The following SCYL3 variants were observed in gnomAD, a reference collection of about 807,000 sequenced individuals.
The protein encoded by SCYL3 is protein-associating with the carboxyl-terminal domain of ezrin.
Under a neutral mutation model 73.8 loss-of-function variants are expected in SCYL3, and 35 were observed. That is an observed-to-expected ratio of 0.47 (90% CI 0.36 to 0.63). The LOEUF is 0.63. SCYL3 is among the 20% of genes least tolerant of loss of function. The pLI, the probability that SCYL3 is intolerant of heterozygous loss-of-function variation, is 0.00. For synonymous variants in SCYL3, 277 were observed against 295.2 expected (o/e 0.94, Z 0.63); for missense variants, 712 against 798.9 (o/e 0.89, Z 1.31).
In SCYL3 at chr1:169,854,701, T is replaced by C. The variant is rs761949057; in HGVS notation, c.1576A>G (p.Thr526Ala). 17 of 1,613,954 alleles carry C rather than the reference T, an allele frequency of 1.1e-5. No homozygotes were observed. Among genetic ancestry groups the C allele is most frequent in the Non-Finnish European group, 1.3e-5 (15 of 1,179,956 alleles). Residue 526 changes from threonine (T) to alanine (A), a missense_variant, in exon 12 of 13, where the codon ACT becomes GCT. Physicochemically the swap from Thr to Ala is moderately conservative, Grantham distance 58. Transcript: ENST00000367771. ...WDDCEPSSLD[T>A]KVNPGGGITA... ...ATTCCACCTCCTGGGTTTACTTTAG[T>C]ATCTAAGCTGCTGGGCTCGCAGTCA...
intron 6 of SCYL3, 42 bp from the exon 7 acceptor site, chr1:169,869,081 T>G (rs759175314): frequency 6.7e-7 from 1 of 1,503,406 alleles, no homozygotes; most frequent in Non-Finnish European, 9.2e-7. Context: ...GCCTTCTCCC[T>G]CTTTTCAGGA....
chr1:169,870,684 T>C (rs12138675), intron 5 of SCYL3, among the ~76,000 whole-genome samples: 23,324 of 152,108 alleles, frequency 0.15, 1,853 homozygotes, highest in Middle Eastern at 0.22. Flanking sequence ...ACACACATAA[T>C]GGAAACAAAA....
chr1:169,878,636 T>C lies in SCYL3; in HGVS notation c.349A>G (p.Arg117Gly), dbSNP rs1661023351. 5 of 1,610,314 alleles carry C rather than the reference T, an allele frequency of 3.1e-6. No homozygotes were observed. Among genetic ancestry groups the C allele is most frequent in the African/African-American group, 1.3e-5 (1 of 74,692 alleles). The change falls in exon 3 of 13, where the codon AGA becomes GGA. Residue 117 changes from arginine (R) to glycine (G), a missense_variant and splice_region_variant. This residue lies in a region of SCYL3 where 342 missense variants were observed against 448.1 expected (regional missense o/e 0.76). Coordinates refer to ENST00000367771, the MANE Select transcript of SCYL3 (RefSeq NM_020423.7). ...TGCAGACTATACAGGTTACTTACTC[T>C]GTCATGAAGGAAGATAAGAGCCAGC... ...ILLALIFLHD[R>G]GHLTHNNVCL... is the part of the protein sequence containing the mutation.
At chr1:169,858,924 T>G (rs1424244970) in intron 11 of SCYL3, 117 bp downstream of exon 11, 5 of 903,200 alleles carry the variant, frequency 5.5e-6, no homozygotes, top group Non-Finnish European at 8.2e-6. Context: ...GAAATTAACT[T>G]TTTATTTATA....
Position 169,853,447 on chromosome 1 carries a change from C to CTTGCTCTTCATA in SCYL3, c.*254_*265dup, listed in dbSNP as rs1658691645. 1 of 448,096 alleles carries CTTGCTCTTCATA rather than the reference C, an allele frequency of 2.2e-6. No homozygotes were observed. Among genetic ancestry groups the CTTGCTCTTCATA allele is most frequent in the African/African-American group, 2.0e-5 (1 of 49,410 alleles). The allele number at this position is 448,096 out of a possible 1,614,324, so 27.8% of individuals were successfully genotyped here. On this transcript the variant is annotated 3_prime_UTR_variant, in exon 13 of 13. Transcript: ENST00000367771. Reference sequence around the variant, plus strand: ...AGTAAATTCGACCTCTCCTCAGCTACTTGCTCTTCATAGAAACTGGCCTCA... The same window carrying CTTGCTCTTCATA: ...AGTAAATTCGACCTCTCCTCAGCTACTTGCTCTTCATATTGCTCTTCATAGAAACTGGCCTCA...
intron 10 of SCYL3, among the ~76,000 whole-genome samples, chr1:169,861,129 G>A (rs1052863688): frequency 6.6e-6 from 1 of 152,094 alleles, no homozygotes; most frequent in East Asian, 1.9e-4. Context: ...TAAATACAAA[G>A]TGCTATGTTG....
At chr1:169,888,478 G>C (rs562358552) in intron 2 of SCYL3, among the ~76,000 whole-genome samples, 198 bp downstream of exon 2, 32 of 152,214 alleles carry the variant, frequency 2.1e-4, no homozygotes, top group African/African-American at 7.5e-4. Flanking sequence ...ATGTTTTTTG[G>C]CTACAGGTAT....
At chr1:169,867,082 C>T in intron 7 of SCYL3, 109 bp from the exon 8 acceptor site, 1 of 633,364 alleles carries the variant, frequency 1.6e-6, no homozygotes, top group Non-Finnish European at 2.8e-6. Flanking sequence ...GAAACATTCT[C>T]CTTTGCCATT....
Position 169,859,149 on chromosome 1 carries a change from C to G in SCYL3, c.1204G>C (p.Val402Leu). 6.2e-7 allele frequency: 1 copy of G among 1,614,062 alleles called. No individual in the cohort carries two copies. The highest frequency in any genetic ancestry group is 8.5e-7 in the Non-Finnish European group (1 of 1,179,990). Residue 402 changes from valine (V) to leucine (L), a missense_variant, in exon 11 of 13, where the codon GTG (valine) becomes CTG (leucine). Coordinates refer to ENST00000367771, the MANE Select transcript of SCYL3 (RefSeq NM_020423.7). The stretch of plus-strand genomic sequence containing the variant: ...TCTGGTCCAAGCAGAGAGACCAGCA[C>G]TGCTAGGCTATGCAGAGTAATTGCC... ...IVAITLHSLA[V>L]LVSLLGPEVV...
chr1:169,865,692 C>A (rs1250001191), intron 8 of SCYL3, among the ~76,000 whole-genome samples: 1 of 152,226 alleles, frequency 6.6e-6, no homozygotes, highest in African/African-American at 2.4e-5. Context: ...CTGTTCACTT[C>A]TCAGCCCAAT....
In SCYL3 at chr1:169,862,615, G is replaced by A; in HGVS notation, c.1138C>T (p.Gln380Ter). The A allele has an allele frequency of 6.2e-7, 1 of 1,614,158 alleles. No individual in the cohort carries two copies. Among genetic ancestry groups the A allele is most frequent in the Non-Finnish European group, 8.5e-7 (1 of 1,180,014 alleles). ...CCACTGCAAACTTGGCCTCTGACCTGTGGCAAGATGACTTTCTTCAGCTGC... is the reference window on the plus strand; with the variant it reads ...CCACTGCAAACTTGGCCTCTGACCTATGGCAAGATGACTTTCTTCAGCTGC... ...QEQLKKVILP[Q>*]VLLGLRDTSD... The change falls in exon 10 of 13, where the codon CAG becomes TAG. Residue 380 changes from glutamine to a stop codon, truncating the protein, a stop_gained and splice_region_variant. Coordinates refer to ENST00000367771, the MANE Select transcript of SCYL3 (RefSeq NM_020423.7). LOFTEE classifies it high-confidence loss of function.
chr1:169,854,963 G>A lies in SCYL3; in HGVS notation c.1314C>T (p.Gly438=), dbSNP rs12135726. ...FTKNTDLSLE[G]DPFSQPIKFP... is the part of the protein sequence containing the mutation. ...ATTTAATAGGCTGAGAAAATGGATCGCCTGTAGGGAAAATAATTATTCTCA... is the reference window on the plus strand; with the variant it reads ...ATTTAATAGGCTGAGAAAATGGATCACCTGTAGGGAAAATAATTATTCTCA... The change falls in exon 12 of 13, where the codon GGC becomes GGT. Residue 438 remains glycine (G), a splice_region_variant and synonymous_variant. Coordinates refer to ENST00000367771, the MANE Select transcript of SCYL3 (RefSeq NM_020423.7). 0.083 allele frequency: 130,104 copies of A among 1,576,848 alleles called. 5,886 individuals are homozygous for A. The highest frequency in any genetic ancestry group is 0.098 in the Middle Eastern group (579 of 5,906).
Position 169,852,163 on chromosome 1 carries a change from C to A in SCYL3, c.*1550G>T. On this transcript the variant is annotated 3_prime_UTR_variant, in exon 13 of 13. Coordinates refer to ENST00000367771, the MANE Select transcript of SCYL3 (RefSeq NM_020423.7). ...GTATGTTTGAATTATTGGTAGTAAC[C>A]TTTAAGGGAAGTTACATATTGTACC... The A allele has an allele frequency of 1.7e-6, 1 of 586,642 alleles. No homozygotes were observed. 36.3% of individuals were successfully genotyped at this position (586,642 alleles called of 1,614,324 possible). A position where few individuals can be genotyped will look rare whatever the true frequency, so the allele number is the denominator to read the frequency against.
chr1:169,864,527 A>AGCCCAGGAAAC lies in SCYL3; in HGVS notation c.816-30_816-20dup. ...CAGAAATCTGAGGACAAAAAGGGAA[A>AGCCCAGGAAAC]GCCCAGGAAACTGGTCATGACACTG... On this transcript the variant is annotated intron_variant, in intron 8 of 12. Transcript: ENST00000367771. 6.4e-7 allele frequency: 1 copy of AGCCCAGGAAAC among 1,572,044 alleles called. No individual in the cohort carries two copies. The highest frequency in any genetic ancestry group is 8.6e-7 in the Non-Finnish European group (1 of 1,164,368).
chr1:169,892,961 G>C (rs1316280366), intron 1 of SCYL3, among the ~76,000 whole-genome samples: 1 of 152,106 alleles, frequency 6.6e-6, no homozygotes, highest in Non-Finnish European at 1.5e-5. Flanking sequence ...TGATATTCTG[G>C]TATCCAGCGG....
Position 169,852,695 on chromosome 1 carries a change from G to A in SCYL3, c.*1018C>T. The A allele has an allele frequency of 7.0e-6, 9 of 1,282,518 alleles. No homozygotes were observed. Among genetic ancestry groups the A allele is most frequent in the Non-Finnish European group, 8.8e-6 (8 of 905,878 alleles). The allele number at this position is 1,282,518 out of a possible 1,614,324, so 79.4% of individuals were successfully genotyped here. ...TCCTACCCTTGTGATCCAATGACTA[G>A]AATAAAATTTGCATGTAAGCTTTAC... is the stretch of plus-strand genomic sequence containing the variant. On this transcript the variant is annotated 3_prime_UTR_variant, in exon 13 of 13. Coordinates refer to ENST00000367771, the MANE Select transcript of SCYL3 (RefSeq NM_020423.7).
chr1:169,852,865 G>A lies in SCYL3; in HGVS notation c.*848C>T. On this transcript the variant is annotated 3_prime_UTR_variant, in exon 13 of 13. Coordinates refer to ENST00000367771, the MANE Select transcript of SCYL3 (RefSeq NM_020423.7). ...GTCAGCGCTGCATACAATAGCAGGG[G>A]CTTTGGAAGCAACTGAGTCACTACT... is the stretch of plus-strand genomic sequence containing the variant. The A allele has an allele frequency of 6.2e-7, 1 of 1,614,128 alleles. No individual in the cohort carries two copies. Among genetic ancestry groups the A allele is most frequent in the Middle Eastern group, 1.6e-4 (1 of 6,062 alleles).
intron 12 of SCYL3, 159 bp downstream of exon 12, chr1:169,854,111 G>A (rs1057118690): frequency 1.6e-5 from 10 of 620,642 alleles, no homozygotes; most frequent in African/African-American, 1.2e-4. Context: ...CTGGGGGAAG[G>A]AAAGATAGAT....
intron 9 of SCYL3, among the ~76,000 whole-genome samples, chr1:169,863,206 C>T (rs1405825189): frequency 2.0e-5 from 3 of 152,138 alleles, no homozygotes; most frequent in African/African-American, 4.8e-5. Flanking sequence ...CCACCGCGCC[C>T]GGCCAGTATT....
Sources: gnomAD v4.1 joint callset for allele counts (sites outside exome capture counted in the v4.1 genomes callset) on GRCh38, gnomAD v4.1.1 for gene constraint, gnomAD v4.1.1 regional missense constraint, MANE v1.5 for transcripts, NCBI Gene and HGNC (gene_info 2026-07-23, HGNC 2026-07-21) for gene names.